Variants in DCC observed in about 807,000 individuals in gnomAD.
DCC encodes netrin receptor DCC.
In DCC, 58 loss-of-function variants were observed where a neutral mutation model predicts 172.5. The ratio of observed to expected loss-of-function variants is 0.34; its 90% CI spans 0.27 to 0.42. The LOEUF is 0.42. DCC is among the 10% of genes least tolerant of loss of function. The pLI, the probability that DCC is intolerant of heterozygous loss-of-function variation, is 1.00. For missense variants in DCC, 1,740 were observed against 1,791.0 expected, an observed-to-expected ratio of 0.97 and a Z score of 0.51; for synonymous variants, 709 against 644.5, an observed-to-expected ratio of 1.10 and a Z score of -1.52.
At chr18:53,502,991 C>T (rs1169303381) in intron 27 of DCC, among the ~76,000 whole-genome samples, 1 of 152,040 alleles carries the variant, frequency 6.6e-6, no homozygotes, top group Non-Finnish European at 1.5e-5. Flanking sequence ...AGCTATTTTT[C>T]CTGATGCTCT....
chr18:52,357,121 C>T (rs1012147370), intron 1 of DCC, among the ~76,000 whole-genome samples: 4 of 152,152 alleles, frequency 2.6e-5, no homozygotes, highest in Non-Finnish European at 5.9e-5. Context: ...ACATATTGGA[C>T]ACTTTCCAAA....
intron 1 of DCC, among the ~76,000 whole-genome samples, chr18:52,724,585 T>C (rs1037217254): frequency 3.9e-5 from 6 of 152,180 alleles, no homozygotes; most frequent in Admixed American, 3.9e-4. Context: ...AACTTGAAAT[T>C]GAACCTGAAA....
intron 14 of DCC, among the ~76,000 whole-genome samples, chr18:53,334,584 C>A (rs148927394): frequency 2.6e-5 from 4 of 152,130 alleles, no homozygotes; most frequent in Non-Finnish European, 5.9e-5. Flanking sequence ...TAACTGCCAA[C>A]CTCCCCAACC....
At chr18:53,332,104 C>G (rs538860380) in intron 14 of DCC, among the ~76,000 whole-genome samples, 1 of 152,098 alleles carries the variant, frequency 6.6e-6, no homozygotes, top group African/African-American at 2.4e-5. Flanking sequence ...CTTAGATCTA[C>G]CAGTTTAATT....
At chr18:52,442,341 T>G (rs1163386660) in intron 1 of DCC, among the ~76,000 whole-genome samples, 23 of 152,252 alleles carry the variant, frequency 1.5e-4, no homozygotes, top group Admixed American at 1.5e-3. Context: ...AAAGGTAGAC[T>G]GAGCACTTGT....
At chr18:52,848,367 G>C (rs898441056) in intron 2 of DCC, among the ~76,000 whole-genome samples, 2 of 152,022 alleles carry the variant, frequency 1.3e-5, no homozygotes, top group Non-Finnish European at 2.9e-5. Context: ...GATTACAGGC[G>C]TGTGCTACCA....
At chr18:53,358,559 G>C (rs2057906842) in intron 15 of DCC, among the ~76,000 whole-genome samples, 1 of 98,288 alleles carries the variant, frequency 1.0e-5, no homozygotes, top group Non-Finnish European at 1.9e-5. Context: ...TTTTGCGACA[G>C]AGTCTGGCTC....
At chr18:53,376,505 C>T (rs548066073) in intron 15 of DCC, among the ~76,000 whole-genome samples, 11 of 152,300 alleles carry the variant, frequency 7.2e-5, no homozygotes, top group Admixed American at 3.3e-4. Context: ...TACTCACCAA[C>T]GTAGAGCCAA....
chr18:53,455,223 C>T (rs894039868), intron 23 of DCC, among the ~76,000 whole-genome samples: 3 of 152,116 alleles, frequency 2.0e-5, no homozygotes, highest in African/African-American at 7.2e-5. Flanking sequence ...GTCTTTTAAC[C>T]ACGGGAATTA....
chr18:52,668,067 AC>A (rs1468048927), intron 1 of DCC, among the ~76,000 whole-genome samples: 1 of 151,986 alleles, frequency 6.6e-6, no homozygotes, highest in Non-Finnish European at 1.5e-5. Flanking sequence ...ACAAAAAAAA[AC>A]AGTGAGTCTG....
intron 1 of DCC, among the ~76,000 whole-genome samples, chr18:52,633,596 T>A (rs2034717252): frequency 6.6e-6 from 1 of 152,240 alleles, no homozygotes; most frequent in African/African-American, 2.4e-5. Context: ...GATGAACTTT[T>A]GATTTTTAAA....
chr18:53,514,503 T>C (rs907632597), intron 27 of DCC, among the ~76,000 whole-genome samples: 5 of 151,986 alleles, frequency 3.3e-5, no homozygotes, highest in Admixed American at 6.6e-5. Context: ...AATTAATGAA[T>C]ACAGGAGCTG....
At chr18:53,468,935 C>T (rs2045661768) in intron 25 of DCC, among the ~76,000 whole-genome samples, 1 of 152,148 alleles carries the variant, frequency 6.6e-6, no homozygotes. Context: ...GTTAGTTCCT[C>T]TATGTTGCCT....
At chr18:52,992,378 C>A (rs772487152) in intron 5 of DCC, among the ~76,000 whole-genome samples, 7 of 152,140 alleles carry the variant, frequency 4.6e-5, no homozygotes, top group Admixed American at 3.9e-4. Flanking sequence ...TTGTCTCATC[C>A]TCTAGAAGTG....
In DCC at chr18:53,296,172, G is replaced by C. The variant is rs1042941854; in HGVS notation, c.1912-9406G>C. Among the ~76,000 whole-genome samples, 4 of 152,160 alleles carry C rather than the reference G, an allele frequency of 2.6e-5. No homozygotes were observed. The East Asian group carries it at 7.7e-4, about 29-fold the overall frequency. On this transcript the variant is annotated intron_variant, in intron 12 of 28. Transcript: ENST00000442544. ...GGTCCATATTCTTGGCATTGCTACT[G>C]TACGTGGTCTTGCTTCCTTCCTTCC...
intron 2 of DCC, among the ~76,000 whole-genome samples, chr18:52,792,187 G>C (rs922449846): frequency 6.6e-6 from 1 of 151,160 alleles, no homozygotes; most frequent in Non-Finnish European, 1.5e-5. Flanking sequence ...GATGCTCACT[G>C]TGGGGGGTGC....
At position 53,525,943 on chromosome 18, in the gene DCC, AT is replaced by A. The variant is rs1268066154; in HGVS notation, c.4112-671del. Among the ~76,000 whole-genome samples, 3 of 152,108 alleles carry A rather than the reference AT, an allele frequency of 2.0e-5. No homozygotes were observed. The East Asian group carries it at 5.8e-4, about 29-fold the overall frequency. ...AAGCTAAGCAGAATTTATAAGGCAA[AT>A]TTCAGTTTCCTCCAAAAAGGCAGCC... On this transcript the variant is annotated intron_variant, in intron 27 of 28. Coordinates refer to ENST00000442544, the MANE Select transcript of DCC (RefSeq NM_005215.4).
chr18:52,540,799 G>A lies in DCC; in HGVS notation c.91+199921G>A, dbSNP rs576128134. ...TTTTTTGTATTTTTAGTAGAGACGG[G>A]GTTTCACTGTGTTAGTCAGGATGGT... On this transcript the variant is annotated intron_variant, in intron 1 of 28. Coordinates refer to ENST00000442544, the MANE Select transcript of DCC (RefSeq NM_005215.4). 5.3e-5 allele frequency among the ~76,000 whole-genome samples: 8 copies of A among 151,740 alleles called. No homozygotes were observed. The East Asian group carries it at 1.6e-3, about 30-fold the overall frequency.
intron 1 of DCC, among the ~76,000 whole-genome samples, chr18:52,363,862 C>T (rs922030712): frequency 2.6e-5 from 4 of 152,186 alleles, no homozygotes; most frequent in African/African-American, 9.7e-5. Flanking sequence ...AAGATATCAA[C>T]ATTGGCTTTT....
Sources: allele counts gnomAD v4.1 joint callset (sites outside exome capture counted in the v4.1 genomes callset), GRCh38; gene constraint gnomAD v4.1.1; transcripts MANE v1.5; gene names NCBI Gene and HGNC (gene_info 2026-07-23, HGNC 2026-07-21).